PID1: variants seen among roughly 807,000 people sequenced by gnomAD.
The protein encoded by PID1 is PTB-containing, cubilin and LRP1-interacting protein.
A neutral mutation model predicts 19.1 loss-of-function variants in PID1; 10 were observed. The observed-to-expected ratio is 0.52, with a 90% CI of 0.32 to 0.89. The LOEUF is 0.89. Ranked by LOEUF, PID1 falls within the 40% of genes least tolerant of loss-of-function variation. The probability of loss-of-function intolerance (pLI) is 0.03; values close to 1 mark genes in which losing one functional copy is unlikely to be tolerated. For missense variants in PID1, 248 were observed against 285.3 expected (o/e 0.87, Z 0.94); for synonymous variants, 130 against 116.0 (o/e 1.12, Z -0.78).
chr2:229,050,103 G>A (rs1403116042), intron 2 of PID1, among the ~76,000 whole-genome samples: 1 of 152,102 alleles, frequency 6.6e-6, no homozygotes, highest in East Asian at 1.9e-4. Flanking sequence ...CTAAATGACA[G>A]CTCCTGATTC....
At chr2:229,087,036 C>G (rs181440960) in intron 2 of PID1, among the ~76,000 whole-genome samples, 16 of 152,134 alleles carry the variant, frequency 1.1e-4, no homozygotes, top group Admixed American at 7.9e-4. Context: ...GAAATAACAT[C>G]AGATTAAGTA....
At chr2:229,065,028 A>G (rs1021637279) in intron 2 of PID1, among the ~76,000 whole-genome samples, 3 of 152,192 alleles carry the variant, frequency 2.0e-5, no homozygotes, top group African/African-American at 7.2e-5. Flanking sequence ...AGTGATAACC[A>G]GATGCCAATC....
intron 2 of PID1, among the ~76,000 whole-genome samples, chr2:229,059,218 G>C (rs1186689461): frequency 1.3e-5 from 2 of 152,154 alleles, no homozygotes; most frequent in Admixed American, 1.3e-4. Flanking sequence ...GGCTGAGTTA[G>C]TTAAAGTTGT....
At chr2:229,060,638 G>A (rs905267510) in intron 2 of PID1, among the ~76,000 whole-genome samples, 1 of 152,076 alleles carries the variant, frequency 6.6e-6, no homozygotes. Flanking sequence ...ATACCAAGAA[G>A]TGGGATTTCT....
rs575545807 is a variant in PID1, at chr2:229,024,429, A to G, written c.*1203T>C. Reference sequence around the variant, plus strand: ...ATAATATTTAAAGAACCATGAAATTAAGAAATCTCAGGATTGTTTTAGTGA... The same window carrying G: ...ATAATATTTAAAGAACCATGAAATTGAGAAATCTCAGGATTGTTTTAGTGA... On this transcript the variant is annotated 3_prime_UTR_variant, in exon 3 of 3. Transcript: ENST00000392055. 2.0e-5 allele frequency: 3 copies of G among 152,670 alleles called. No individual in the cohort carries two copies. The highest frequency in any genetic ancestry group is 4.4e-5 in the Non-Finnish European group (3 of 68,046). 9.5% of individuals were successfully genotyped at this position (152,670 alleles called of 1,614,324 possible). A position where few individuals can be genotyped will look rare whatever the true frequency, so the allele number is the denominator to read the frequency against.
chr2:229,242,096 C>T (rs1689885674), intron 1 of PID1, among the ~76,000 whole-genome samples: 2 of 152,042 alleles, frequency 1.3e-5, no homozygotes, highest in South Asian at 4.1e-4. Context: ...TTCTCAAGCT[C>T]CTGAAACTCA....
At chr2:229,212,695 G>A (rs1251574323) in intron 1 of PID1, among the ~76,000 whole-genome samples, 3 of 152,154 alleles carry the variant, frequency 2.0e-5, no homozygotes, top group African/African-American at 4.8e-5. Flanking sequence ...GTTGGGAGGT[G>A]CACAGATACT....
intron 1 of PID1, among the ~76,000 whole-genome samples, chr2:229,250,847 TG>T (rs1307519196): frequency 6.6e-6 from 1 of 152,162 alleles, no homozygotes; most frequent in East Asian, 1.9e-4. Flanking sequence ...TGTAGTAACA[TG>T]GATCTACCCG....
intron 2 of PID1, among the ~76,000 whole-genome samples, chr2:229,073,642 A>C (rs1694502323): frequency 6.6e-6 from 1 of 152,196 alleles, no homozygotes; most frequent in South Asian, 2.1e-4. Context: ...CACAGAGGAC[A>C]ACAGAACTAT....
rs1289587329 is a variant in PID1 at position 229,237,329 on chromosome 2, CT to C, written c.30+33684del. Among the ~76,000 whole-genome samples the C allele has an allele frequency of 2.6e-5, 4 of 152,212 alleles. No homozygotes were observed. In the East Asian group the frequency reaches 7.7e-4, roughly 29 times the overall value. ...AAAAGATATCTACAGTTATGAATTA[CT>C]TTGGTGGACAAGAGAAGCAAACAAA... is the stretch of plus-strand genomic sequence containing the variant. On this transcript the variant is annotated intron_variant, in intron 1 of 2. Coordinates refer to ENST00000392055, the MANE Select transcript of PID1 (RefSeq NM_001100818.2).
intron 2 of PID1, among the ~76,000 whole-genome samples, chr2:229,061,408 T>C (rs996801259): frequency 6.6e-6 from 1 of 151,950 alleles, no homozygotes; most frequent in Non-Finnish European, 1.5e-5. Flanking sequence ...AAAAAAACAA[T>C]TGACTATAAA....
chr2:229,054,681 T>C (rs1002336022), intron 2 of PID1, among the ~76,000 whole-genome samples: 2 of 124,888 alleles, frequency 1.6e-5, no homozygotes, highest in African/African-American at 6.1e-5. Flanking sequence ...TTCCATAAGC[T>C]CTAGGTAAAT....
At chr2:229,142,657 C>T (rs919967657) in intron 2 of PID1, among the ~76,000 whole-genome samples, 8 of 152,258 alleles carry the variant, frequency 5.3e-5, no homozygotes, top group Middle Eastern at 3.4e-3. Flanking sequence ...TAGCATCTCA[C>T]GCCAGTTAGA....
chr2:229,197,409 T>C (rs1156706304), intron 1 of PID1, among the ~76,000 whole-genome samples: 1 of 152,054 alleles, frequency 6.6e-6, no homozygotes, highest in African/African-American at 2.4e-5. Flanking sequence ...CTGGGCATTA[T>C]CATCATATTA....
intron 2 of PID1, among the ~76,000 whole-genome samples, chr2:229,065,710 T>TAAAAAAAAAAAAA (rs1238489523): frequency 2.3e-4 from 1 of 4,342 alleles, no homozygotes; most frequent in African/African-American, 7.9e-4. Flanking sequence ...TTTTGTGATT[T>TAAAAAAAAAAAAA]ACAAAAAAAA....
chr2:229,180,234 G>A (rs74846892), intron 1 of PID1, among the ~76,000 whole-genome samples: 92 of 152,150 alleles, frequency 6.0e-4, no homozygotes, highest in South Asian at 4.2e-3. Flanking sequence ...GATATTGGTC[G>A]ACTCATCAAA....
chr2:229,268,981 G>A (rs1690665121), intron 1 of PID1, among the ~76,000 whole-genome samples: 1 of 150,762 alleles, frequency 6.6e-6, no homozygotes, highest in African/African-American at 2.4e-5. Context: ...TGTTTTCAAG[G>A]AGAGTCAAGC....
intron 2 of PID1, among the ~76,000 whole-genome samples, chr2:229,031,909 T>C (rs955986194): frequency 5.9e-5 from 9 of 152,356 alleles, no homozygotes; most frequent in Admixed American, 2.0e-4. Context: ...ACCCATAATG[T>C]TGACTGTAAG....
intron 2 of PID1, among the ~76,000 whole-genome samples, chr2:229,045,772 C>A (rs557309884): frequency 6.6e-6 from 1 of 152,338 alleles, no homozygotes; most frequent in African/African-American, 2.4e-5. Flanking sequence ...CAAGGTGCTG[C>A]ATTGCCTGCC....
Sources: gnomAD v4.1 joint callset for allele counts (sites outside exome capture counted in the v4.1 genomes callset) on GRCh38, gnomAD v4.1.1 for gene constraint, MANE v1.5 for transcripts, NCBI Gene and HGNC (gene_info 2026-07-23, HGNC 2026-07-21) for gene names.